Variants in TRAF6 observed in about 807,000 individuals in gnomAD.
TRAF6 encodes TNF receptor-associated factor 6.
Under a neutral mutation model 48.4 loss-of-function variants are expected in TRAF6, and 10 were observed. The observed-to-expected ratio is 0.21, with a 90% confidence interval of 0.13 to 0.35. TRAF6 has a LOEUF of 0.35. Among genes scored for constraint, TRAF6 ranks in the 10% least tolerant of loss-of-function variants. TRAF6 has a pLI of 1.00. For synonymous variants in TRAF6, 186 were observed against 219.6 expected, an observed-to-expected ratio of 0.85 and a Z score of 1.35; for missense variants, 397 against 661.0, an observed-to-expected ratio of 0.60 and a Z score of 4.38.
At chr11:36,498,229 T>G (rs1859667409) in intron 3 of TRAF6, among the ~76,000 whole-genome samples, 1 of 152,170 alleles carries the variant, frequency 6.6e-6, no homozygotes, top group Admixed American at 6.5e-5. Context: ...CAGATAAAGC[T>G]TACCAAAAGC....
rs1224860803 is a variant in TRAF6, at chr11:36,489,273, G to C, written c.*565C>G. ...CCCTGAATATCCTTAGTAACAACCTGGAGGAAAAACTGGGGTGAATGAGAA... is the reference window on the plus strand; with the variant it reads ...CCCTGAATATCCTTAGTAACAACCTCGAGGAAAAACTGGGGTGAATGAGAA... On this transcript the variant is annotated 3_prime_UTR_variant, in exon 7 of 7. Transcript: ENST00000526995. 2 of 153,350 alleles carry C rather than the reference G, an allele frequency of 1.3e-5. No individual in the cohort carries two copies. The highest frequency in any genetic ancestry group is 1.3e-4 in the Admixed American group (2 of 15,418). 9.5% of individuals were successfully genotyped at this position (153,350 alleles called of 1,614,324 possible).
intron 3 of TRAF6, among the ~76,000 whole-genome samples, chr11:36,497,840 A>G (rs1859661224): frequency 6.6e-6 from 1 of 152,148 alleles, no homozygotes; most frequent in South Asian, 2.1e-4. Flanking sequence ...TGCTTATTTC[A>G]AAATGACAAA....
At position 36,492,706 on chromosome 11, in the gene TRAF6, T is replaced by A. The variant is rs190216443; in HGVS notation, c.679-78A>T. The stretch of plus-strand genomic sequence containing the variant: ...GTTTGATGCGATCACATTTAAACTG[T>A]ATTGTCAATGGCTGCTTTGTACCAC... On this transcript the variant is annotated intron_variant, in intron 5 of 6. Coordinates refer to ENST00000526995, the MANE Select transcript of TRAF6 (RefSeq NM_004620.4). The A allele has an allele frequency of 5.5e-6, 6 of 1,099,276 alleles. No homozygotes were observed. The Admixed American group carries it at 8.1e-5, about 15-fold the overall frequency. 68.1% of individuals were successfully genotyped at this position (1,099,276 alleles called of 1,614,324 possible).
intron 2 of TRAF6, among the ~76,000 whole-genome samples, chr11:36,500,859 T>A (rs1237081537): frequency 6.6e-6 from 1 of 152,126 alleles, no homozygotes; most frequent in African/African-American, 2.4e-5. Flanking sequence ...TCAGTATTCT[T>A]TGTGTGGTTG....
In TRAF6 at chr11:36,495,365, T is replaced by C. The variant is rs1183184908; in HGVS notation, c.607-318A>G. 2.6e-5 allele frequency among the ~76,000 whole-genome samples: 4 copies of C among 152,344 alleles called. No homozygotes were observed. The South Asian group carries it at 6.2e-4, about 24-fold the overall frequency. On this transcript the variant is annotated intron_variant, in intron 4 of 6. Coordinates refer to ENST00000526995, the MANE Select transcript of TRAF6 (RefSeq NM_004620.4). ...TGGACATCATCTGCCGAGGCTATAC[T>C]TCTCCAAAGGTAATCTTACAAAAAT... is the stretch of plus-strand genomic sequence containing the variant.
chr11:36,498,476 A>G lies in TRAF6; in HGVS notation c.447+14T>C. The G allele has an allele frequency of 6.2e-7, 1 of 1,601,266 alleles. No homozygotes were observed. ...TTTATACATGTGCTAACAGCTAGAA[A>G]AGAACTTTAATACCTCAAGATGTCT... On this transcript the variant is annotated intron_variant, in intron 3 of 6. Transcript: ENST00000526995.
chr11:36,491,192 T>G (rs1360997646), intron 6 of TRAF6, among the ~76,000 whole-genome samples: 1 of 152,214 alleles, frequency 6.6e-6, no homozygotes, highest in Admixed American at 6.5e-5. Context: ...CTGTATTGTC[T>G]GCAATTCCCA....
intron 1 of TRAF6, among the ~76,000 whole-genome samples, chr11:36,505,410 C>T (rs960539061): frequency 6.6e-6 from 1 of 152,204 alleles, no homozygotes; most frequent in African/African-American, 2.4e-5. Context: ...ACCTCATAAA[C>T]CAATCTCTGT....
rs997074429 is a variant in TRAF6 at position 36,484,512 on chromosome 11, A to C, written c.*5326T>G. Among the ~76,000 whole-genome samples the C allele has an allele frequency of 1.1e-3, 172 of 152,356 alleles. No homozygotes were observed. Among genetic ancestry groups the C allele is most frequent in the African/African-American group, 4.0e-3 (165 of 41,582 alleles). ...TCATACAGTTTACAGAATTATGAGAATCCTCCCTGGATTCACAGTGTCTTT... is the reference window on the plus strand; with the variant it reads ...TCATACAGTTTACAGAATTATGAGACTCCTCCCTGGATTCACAGTGTCTTT... On this transcript the variant is annotated 3_prime_UTR_variant, in exon 7 of 7. Transcript: ENST00000526995.
intron 3 of TRAF6, among the ~76,000 whole-genome samples, chr11:36,497,860 G>C (rs1379201182): frequency 6.6e-6 from 1 of 151,286 alleles, no homozygotes; most frequent in African/African-American, 2.4e-5. Context: ...AAATGAAATT[G>C]CAAGATTAAA....
chr11:36,494,178 A>C (rs1206170557), intron 5 of TRAF6, among the ~76,000 whole-genome samples: 3 of 152,130 alleles, frequency 2.0e-5, no homozygotes, highest in Non-Finnish European at 4.4e-5. Context: ...CAGTCTAGGC[A>C]ATATAACAAG....
chr11:36,508,804 G>A lies in TRAF6; in HGVS notation c.-23+1244C>T, dbSNP rs542721138. Reference sequence around the variant, plus strand: ...TTAACTTTGAATCCAAATTCAAGGGGCATTCCCCTTCCTGGGCACTATTTA... The same window carrying A: ...TTAACTTTGAATCCAAATTCAAGGGACATTCCCCTTCCTGGGCACTATTTA... On this transcript the variant is annotated intron_variant, in intron 1 of 6. Coordinates refer to ENST00000526995, the MANE Select transcript of TRAF6 (RefSeq NM_004620.4). Among the ~76,000 whole-genome samples, 6 of 152,296 alleles carry A rather than the reference G, an allele frequency of 3.9e-5. No individual in the cohort carries two copies. In the East Asian group the frequency reaches 1.2e-3, roughly 29 times the overall value.
intron 1 of TRAF6, among the ~76,000 whole-genome samples, chr11:36,506,987 A>G (rs1279890596): frequency 6.6e-6 from 1 of 151,840 alleles, no homozygotes; most frequent in Non-Finnish European, 1.5e-5. Flanking sequence ...AGTTTTAAGA[A>G]CTGCAATGAC....
In TRAF6 at chr11:36,501,405, A is replaced by C. The variant is rs1590642576; in HGVS notation, c.111T>G (p.Gly37=). Residue 37 remains glycine (G), a synonymous_variant, in exon 2 of 7, where the codon GGT becomes GGG. Coordinates refer to ENST00000526995, the MANE Select transcript of TRAF6 (RefSeq NM_004620.4). ...AGAGGTTCCCCGTGCTGGCAGTTCC[A>C]CCCACACTATCATCTTTTGTTACAG... is the stretch of plus-strand genomic sequence containing the variant. ...CSAVTKDDSV[G]GTASTGNLSS... 1 of 1,614,040 alleles carries C rather than the reference A, an allele frequency of 6.2e-7. No individual in the cohort carries two copies. The highest frequency in any genetic ancestry group is 8.5e-7 in the Non-Finnish European group (1 of 1,180,006).
chr11:36,494,263 C>A (rs1021646535), intron 5 of TRAF6, among the ~76,000 whole-genome samples: 19 of 152,016 alleles, frequency 1.2e-4, no homozygotes, highest in African/African-American at 4.6e-4. Flanking sequence ...AGTCCCAGCT[C>A]TTTGGGAGGC....
chr11:36,499,193 A>T (rs1859682892), intron 2 of TRAF6, among the ~76,000 whole-genome samples: 1 of 152,200 alleles, frequency 6.6e-6, no homozygotes. Context: ...TTGTATGTCT[A>T]GGGTCCAATG....
At chr11:36,500,336 G>T (rs947048407) in intron 2 of TRAF6, among the ~76,000 whole-genome samples, 4 of 152,160 alleles carry the variant, frequency 2.6e-5, no homozygotes, top group Non-Finnish European at 5.9e-5. Flanking sequence ...GGGGTTAGCT[G>T]TGGCAAGAGT....
intron 1 of TRAF6, among the ~76,000 whole-genome samples, chr11:36,504,727 C>A (rs945188058): frequency 1.3e-5 from 2 of 152,154 alleles, no homozygotes; most frequent in African/African-American, 2.4e-5. Flanking sequence ...CCAGATCCAT[C>A]GGGGGCTCAT....
At chr11:36,498,075 G>A (rs1343142467) in intron 3 of TRAF6, among the ~76,000 whole-genome samples, 1 of 151,846 alleles carries the variant, frequency 6.6e-6, no homozygotes, top group Non-Finnish European at 1.5e-5. Context: ...AGTGAGAGAC[G>A]GGGTTTCACT....
Sources: gnomAD v4.1 joint callset for allele counts (sites outside exome capture counted in the v4.1 genomes callset) on GRCh38, gnomAD v4.1.1 for gene constraint, MANE v1.5 for transcripts, NCBI Gene and HGNC (gene_info 2026-07-23, HGNC 2026-07-21) for gene names.